The following MAGI3 variants were observed in gnomAD, a reference collection of about 807,000 sequenced individuals.
MAGI3 encodes the protein membrane-associated guanylate kinase, WW and PDZ domain-containing protein 3.
In MAGI3, 43 loss-of-function variants were observed where a neutral mutation model predicts 121.8. That is an observed-to-expected ratio of 0.35 (90% CI 0.28 to 0.46). The LOEUF (loss-of-function observed/expected upper bound fraction) is 0.46, where lower values mean the gene tolerates loss of function less well. MAGI3 is among the 20% of genes least tolerant of loss of function. The pLI is 1.00. For missense variants in MAGI3, 1,547 were observed against 1,797.3 expected, an observed-to-expected ratio of 0.86 and a Z score of 2.52; for synonymous variants, 553 against 639.3, an observed-to-expected ratio of 0.86 and a Z score of 2.04.
At chr1:113,532,944 C>G (rs2101643697) in intron 1 of MAGI3, among the ~76,000 whole-genome samples, 1 of 152,302 alleles carries the variant, frequency 6.6e-6, no homozygotes, top group Non-Finnish European at 1.5e-5. Flanking sequence ...TTACATCTCT[C>G]TAGAAAGCAG....
In MAGI3 at chr1:113,642,508, TAAG is replaced by T. The variant is rs1652605276; in HGVS notation, c.1960_1962del (p.Arg654del). 1 of 1,607,422 alleles carries T rather than the reference TAAG, an allele frequency of 6.2e-7. No individual in the cohort carries two copies. The highest frequency in any genetic ancestry group is 8.5e-7 in the Non-Finnish European group (1 of 1,175,858). On this transcript the variant is annotated inframe_deletion, in exon 10 of 21. Transcript: ENST00000307546. ...GGTGCTGATGTACCATTGCTTATCT[TAAG>T]AGGAGGTAAGTAAAAGCACAACATA...
intron 9 of MAGI3, among the ~76,000 whole-genome samples, chr1:113,639,966 C>A (rs114080067): frequency 6.6e-6 from 1 of 152,182 alleles, no homozygotes; most frequent in South Asian, 2.1e-4. Flanking sequence ...AGGCATGAGC[C>A]GCTGCGCCTG....
intron 1 of MAGI3, among the ~76,000 whole-genome samples, chr1:113,479,122 C>T (rs750951379): frequency 1.4e-4 from 22 of 152,282 alleles, no homozygotes; most frequent in African/African-American, 3.4e-4. Flanking sequence ...AGTATTTGGG[C>T]GGGAGTGTCC....
intron 19 of MAGI3, among the ~76,000 whole-genome samples, chr1:113,673,736 T>C (rs754010435): frequency 7.9e-5 from 12 of 152,244 alleles, no homozygotes; most frequent in Non-Finnish European, 1.3e-4. Flanking sequence ...TCATTTCTTA[T>C]TCACATAGTC....
intron 16 of MAGI3, among the ~76,000 whole-genome samples, chr1:113,663,705 G>C (rs1557881026): frequency 6.6e-6 from 1 of 151,924 alleles, no homozygotes; most frequent in Non-Finnish European, 1.5e-5. Context: ...CATTTTTCTT[G>C]GTCGTATACC....
chr1:113,604,139 T>C (rs548157050), intron 6 of MAGI3, among the ~76,000 whole-genome samples: 1 of 152,186 alleles, frequency 6.6e-6, no homozygotes, highest in Admixed American at 6.5e-5. Flanking sequence ...TGGGCACCTA[T>C]CCAAAGAAAA....
At chr1:113,419,860 A>G (rs1037751212) in intron 1 of MAGI3, among the ~76,000 whole-genome samples, 2 of 152,080 alleles carry the variant, frequency 1.3e-5, no homozygotes, top group African/African-American at 2.4e-5. Context: ...TGCCTTTTTA[A>G]GTTTCTAGAG....
At chr1:113,412,388 A>G (rs1362554716) in intron 1 of MAGI3, among the ~76,000 whole-genome samples, 2 of 152,182 alleles carry the variant, frequency 1.3e-5, no homozygotes, top group African/African-American at 4.8e-5. Context: ...GTATATACCA[A>G]GTAATGGGAT....
At chr1:113,527,084 A>G (rs534242033) in intron 1 of MAGI3, among the ~76,000 whole-genome samples, 1 of 152,320 alleles carries the variant, frequency 6.6e-6, no homozygotes, top group East Asian at 1.9e-4. Flanking sequence ...GTACATAGTA[A>G]GTATCATATA....
chr1:113,573,974 G>A (rs1647466575), intron 2 of MAGI3, among the ~76,000 whole-genome samples: 2 of 152,012 alleles, frequency 1.3e-5, no homozygotes, highest in Non-Finnish European at 2.9e-5. Context: ...GATCTTTGTT[G>A]GTTTAAAGTC....
At chr1:113,490,082 A>G (rs756364732) in intron 1 of MAGI3, among the ~76,000 whole-genome samples, 9 of 152,200 alleles carry the variant, frequency 5.9e-5, no homozygotes, top group Non-Finnish European at 1.0e-4. Flanking sequence ...CCCAAGATAC[A>G]TACTCATCAG....
At position 113,625,244 on chromosome 1, in the gene MAGI3, TTTTGATAGAGA is replaced by T. The variant is rs1215162289; in HGVS notation, c.1360+2264_1360+2274del. Among the ~76,000 whole-genome samples, 5 of 152,268 alleles carry T rather than the reference TTTTGATAGAGA, an allele frequency of 3.3e-5. No individual in the cohort carries two copies. The East Asian group carries it at 7.7e-4, about 24-fold the overall frequency. On this transcript the variant is annotated intron_variant, in intron 9 of 20. Transcript: ENST00000307546. Reference sequence around the variant, plus strand: ...ATTTCTGTGAAGAATGTCATTGGTATTTTGATAGAGATTTGATAGAGATTGCATTGAATCTA... The same window carrying T: ...ATTTCTGTGAAGAATGTCATTGGTATTTTGATAGAGATTGCATTGAATCTA...
intron 1 of MAGI3, among the ~76,000 whole-genome samples, chr1:113,410,500 C>T (rs562739102): frequency 6.6e-6 from 1 of 151,934 alleles, no homozygotes; most frequent in African/African-American, 2.4e-5. Flanking sequence ...AAAATGTGAA[C>T]TTTTTGGGAG....
At chr1:113,659,358 CT>C in intron 16 of MAGI3, 93 bp downstream of exon 16, 1 of 1,244,872 alleles carries the variant, frequency 8.0e-7, no homozygotes, top group South Asian at 1.4e-5. Flanking sequence ...GCCAGAATCA[CT>C]GCGGGGATAT....
intron 9 of MAGI3, among the ~76,000 whole-genome samples, chr1:113,638,405 T>G (rs1347153629): frequency 1.3e-5 from 2 of 152,242 alleles, no homozygotes; most frequent in Non-Finnish European, 2.9e-5. Flanking sequence ...CAGATGGGTT[T>G]TTGGTGTGGA....
intron 1 of MAGI3, among the ~76,000 whole-genome samples, chr1:113,462,096 C>A (rs1171195761): frequency 6.6e-6 from 1 of 152,156 alleles, no homozygotes; most frequent in African/African-American, 2.4e-5. Flanking sequence ...AAAGGAAACA[C>A]TTATACACTG....
chr1:113,666,158 G>A (rs369398371), intron 16 of MAGI3, among the ~76,000 whole-genome samples: 1 of 152,140 alleles, frequency 6.6e-6, no homozygotes, highest in African/African-American at 2.4e-5. Flanking sequence ...TGACTGATTT[G>A]GGTGGTAGTT....
chr1:113,561,481 A>C (rs770613569), intron 2 of MAGI3, among the ~76,000 whole-genome samples: 2 of 152,226 alleles, frequency 1.3e-5, no homozygotes, highest in Non-Finnish European at 2.9e-5. Flanking sequence ...CAATAAACGT[A>C]ATTCACCACA....
intron 1 of MAGI3, among the ~76,000 whole-genome samples, chr1:113,479,387 C>G (rs1484754750): frequency 1.3e-5 from 2 of 152,088 alleles, no homozygotes; most frequent in Non-Finnish European, 2.9e-5. Context: ...TTGGAATGCC[C>G]CTCCCTTCCT....
Sources: allele counts gnomAD v4.1 joint callset (sites outside exome capture counted in the v4.1 genomes callset), GRCh38; gene constraint gnomAD v4.1.1; transcripts MANE v1.5; gene names NCBI Gene and HGNC (gene_info 2026-07-23, HGNC 2026-07-21).